The following LHFPL6 variants were observed in gnomAD, a reference collection of about 807,000 sequenced individuals.
LHFPL6 encodes LHFPL tetraspan subfamily member 6 protein.
LHFPL6 carries 9 observed loss-of-function variants against 20.6 expected under a neutral mutation model. The observed-to-expected ratio is 0.44, with a 90% CI of 0.26 to 0.76. The LOEUF (loss-of-function observed/expected upper bound fraction) is 0.76. Among genes scored for constraint, LHFPL6 ranks in the 30% least tolerant of loss-of-function variants. The pLI is 0.20. For synonymous variants in LHFPL6, 105 were observed against 98.7 expected, an observed-to-expected ratio of 1.06 and a Z score of -0.38; for missense variants, 218 against 253.5, an observed-to-expected ratio of 0.86 and a Z score of 0.95.
At chr13:39,344,252 C>T (rs185144400) in intron 3 of LHFPL6, among the ~76,000 whole-genome samples, 198 bp from the exon 4 acceptor site, 4 of 152,252 alleles carry the variant, frequency 2.6e-5, no homozygotes, top group Admixed American at 2.0e-4. Flanking sequence ...TCAGAAGGAT[C>T]TCAATGTCTA....
intron 3 of LHFPL6, among the ~76,000 whole-genome samples, chr13:39,370,192 G>A (rs966096390): frequency 6.6e-6 from 1 of 152,158 alleles, no homozygotes; most frequent in Non-Finnish European, 1.5e-5. Context: ...GTCATCACTG[G>A]CCAGGGTGGG....
chr13:39,552,457 T>G (rs555907947), intron 2 of LHFPL6, among the ~76,000 whole-genome samples: 1 of 152,228 alleles, frequency 6.6e-6, no homozygotes, highest in East Asian at 1.9e-4. Flanking sequence ...TGAGTACTGG[T>G]GCATGCAAGG....
intron 2 of LHFPL6, among the ~76,000 whole-genome samples, chr13:39,457,082 G>A (rs552619631): frequency 7.9e-5 from 12 of 152,140 alleles, no homozygotes; most frequent in African/African-American, 2.9e-4. Flanking sequence ...TTATAGACGT[G>A]AGCCACAGCA....
intron 2 of LHFPL6, among the ~76,000 whole-genome samples, chr13:39,597,886 T>C (rs1197734676): frequency 6.6e-6 from 1 of 152,244 alleles, no homozygotes; most frequent in Non-Finnish European, 1.5e-5. Context: ...TGTTCCAAAG[T>C]ACTGCAGGGG....
intron 2 of LHFPL6, among the ~76,000 whole-genome samples, chr13:39,599,594 C>T (rs1872869750): frequency 6.6e-6 from 1 of 152,202 alleles, no homozygotes; most frequent in Non-Finnish European, 1.5e-5. Context: ...CAAATGAGAA[C>T]AAAGTTACAT....
At chr13:39,422,602 A>AAAAGAAG (rs1555261778) in intron 2 of LHFPL6, among the ~76,000 whole-genome samples, 3 of 114,298 alleles carry the variant, frequency 2.6e-5, no homozygotes, top group African/African-American at 5.9e-5. Context: ...AAAAAAAAAA[A>AAAAGAAG]AAGAAGAAGA....
At chr13:39,547,475 G>A (rs1407866259) in intron 2 of LHFPL6, among the ~76,000 whole-genome samples, 2 of 152,092 alleles carry the variant, frequency 1.3e-5, no homozygotes, top group African/African-American at 2.4e-5. Context: ...CTGCAGCCAG[G>A]TAATTTTCTG....
chr13:39,351,322 C>T (rs1167589081), intron 3 of LHFPL6, among the ~76,000 whole-genome samples: 1 of 152,146 alleles, frequency 6.6e-6, no homozygotes, highest in Middle Eastern at 3.2e-3. Context: ...TACTTTCCAA[C>T]ATTATTCTCA....
chr13:39,540,276 A>G (rs1290027442), intron 2 of LHFPL6, among the ~76,000 whole-genome samples: 2 of 152,176 alleles, frequency 1.3e-5, no homozygotes, highest in South Asian at 2.1e-4. Flanking sequence ...AAAAAATACC[A>G]TATTAGAGTC....
At chr13:39,418,930 C>T (rs758382537) in intron 2 of LHFPL6, among the ~76,000 whole-genome samples, 9 of 152,192 alleles carry the variant, frequency 5.9e-5, no homozygotes, top group Non-Finnish European at 1.2e-4. Flanking sequence ...TTTAGTGATA[C>T]ACAAATATTG....
intron 2 of LHFPL6, among the ~76,000 whole-genome samples, chr13:39,564,564 G>A (rs1191217908): frequency 6.6e-6 from 1 of 152,110 alleles, no homozygotes; most frequent in Non-Finnish European, 1.5e-5. Context: ...GTGAACTGTA[G>A]ATCAAAAAGA....
chr13:39,580,223 G>A (rs1872239004), intron 2 of LHFPL6, among the ~76,000 whole-genome samples: 1 of 151,850 alleles, frequency 6.6e-6, no homozygotes, highest in South Asian at 2.1e-4. Context: ...TCACAGAAGG[G>A]ACAGATGATA....
At chr13:39,490,878 C>T (rs918488217) in intron 2 of LHFPL6, among the ~76,000 whole-genome samples, 5 of 152,258 alleles carry the variant, frequency 3.3e-5, no homozygotes, top group Admixed American at 1.3e-4. Flanking sequence ...CCTATAGAAA[C>T]GAGCAGTATT....
intron 3 of LHFPL6, among the ~76,000 whole-genome samples, chr13:39,349,015 A>T (rs1869487722): frequency 6.6e-6 from 1 of 152,220 alleles, no homozygotes; most frequent in African/African-American, 2.4e-5. Flanking sequence ...TTGAGGATAT[A>T]AGAAAATATG....
chr13:39,575,398 T>C (rs1394859783), intron 2 of LHFPL6, among the ~76,000 whole-genome samples: 6 of 152,214 alleles, frequency 3.9e-5, no homozygotes, highest in African/African-American at 1.4e-4. Flanking sequence ...CTAGCATTTC[T>C]TTATCTATAT....
intron 2 of LHFPL6, among the ~76,000 whole-genome samples, chr13:39,407,263 A>G (rs1013244980): frequency 4.6e-5 from 7 of 152,114 alleles, no homozygotes; most frequent in African/African-American, 1.7e-4. Context: ...AATCTCTCCA[A>G]TCCTTTTATA....
chr13:39,523,842 C>T (rs1207681025), intron 2 of LHFPL6, among the ~76,000 whole-genome samples: 1 of 151,960 alleles, frequency 6.6e-6, no homozygotes, highest in Non-Finnish European at 1.5e-5. Context: ...ATAAATAAGA[C>T]AAGAAAGACG....
chr13:39,504,518 G>C (rs1216166880), intron 2 of LHFPL6, among the ~76,000 whole-genome samples: 1 of 152,158 alleles, frequency 6.6e-6, no homozygotes, highest in Non-Finnish European at 1.5e-5. Context: ...TCAAGATGCT[G>C]GCAGGTTTGG....
chr13:39,550,535 C>T (rs78128167), intron 2 of LHFPL6, among the ~76,000 whole-genome samples: 2,642 of 152,210 alleles, frequency 0.017, 89 homozygotes, highest in African/African-American at 0.061. Flanking sequence ...CCCACCAATA[C>T]TGTATTAGTG....
Sources: gnomAD v4.1 joint callset for allele counts (sites outside exome capture counted in the v4.1 genomes callset) on GRCh38, gnomAD v4.1.1 for gene constraint, MANE v1.5 for transcripts, NCBI Gene and HGNC (gene_info 2026-07-23, HGNC 2026-07-21) for gene names.